Variants in SIRPG observed in about 807,000 individuals in gnomAD.
SIRPG encodes signal-regulatory protein gamma.
SIRPG carries 38 observed loss-of-function variants against 35.7 expected under a neutral mutation model. That is an observed-to-expected ratio of 1.06 (90% CI 0.82 to 1.40). The LOEUF (loss-of-function observed/expected upper bound fraction) is 1.40, where lower values mean the gene tolerates loss of function less well. SIRPG is among the 40% of genes most tolerant of loss of function. SIRPG has a pLI of 0.00. For synonymous variants in SIRPG, 215 were observed against 190.4 expected, an observed-to-expected ratio of 1.13 and a Z score of -1.06; for missense variants, 519 against 483.0, an observed-to-expected ratio of 1.07 and a Z score of -0.70.
intron 2 of SIRPG, chr20:1,647,790 C>T (rs1184303579): frequency 6.6e-6 from 1 of 152,176 alleles, no homozygotes; most frequent in Non-Finnish European, 1.5e-5. Context: ...AGAAGTTTTC[C>T]AATCACCAAT....
the SIRPG span, among the ~76,000 whole-genome samples, chr20:1,679,278 T>A: frequency 1.3e-5 from 2 of 152,148 alleles, no homozygotes; most frequent in African/African-American, 2.4e-5. Flanking sequence ...TCCAGTTAGG[T>A]GTACATTTAA....
At chr20:1,681,343 C>T in the SIRPG span, among the ~76,000 whole-genome samples, 3 of 152,142 alleles carry the variant, frequency 2.0e-5, no homozygotes, top group African/African-American at 7.2e-5. Flanking sequence ...ATTAAGAGTG[C>T]CTGAGCTCAA....
At chr20:1,668,315 C>T in the SIRPG span, among the ~76,000 whole-genome samples, 1 of 148,666 alleles carries the variant, frequency 6.7e-6, no homozygotes, top group Admixed American at 6.8e-5. Context: ...CAGAGTCTTG[C>T]TCTGTCGCCC....
At chr20:1,636,612 C>T in intron 2 of SIRPG, 107 bp from the exon 3 acceptor site, 1 of 1,218,840 alleles carries the variant, frequency 8.2e-7, no homozygotes, top group African/African-American at 1.5e-5. Context: ...TTTAATCCTT[C>T]TAATAATGTG....
chr20:1,668,805 T>A, the SIRPG span, among the ~76,000 whole-genome samples: 1 of 152,222 alleles, frequency 6.6e-6, no homozygotes, highest in African/African-American at 2.4e-5. Flanking sequence ...TGGACTCCAT[T>A]TGCAACTGCA....
intron 4 of SIRPG, 131 bp downstream of exon 4, chr20:1,635,136 T>A (rs1415328364): frequency 8.9e-6 from 6 of 676,388 alleles, no homozygotes; most frequent in Non-Finnish European, 1.5e-5. Context: ...CATGTGGGAT[T>A]TGGGGGGATG....
At chr20:1,632,257 G>A (rs745743191) in intron 4 of SIRPG, among the ~76,000 whole-genome samples, 3 of 152,154 alleles carry the variant, frequency 2.0e-5, no homozygotes, top group East Asian at 1.9e-4. Flanking sequence ...TGAAAACAAA[G>A]TAAGTTCTGC....
Position 1,654,393 on chromosome 20 carries a change from A to G in SIRPG, c.73+3249T>C, listed in dbSNP as rs190434509. The stretch of plus-strand genomic sequence containing the variant: ...AGAGAGCCCAGCAATAAACTCACAC[A>G]TTCACACTCAATTGACTATTGACAA... On this transcript the variant is annotated intron_variant, in intron 1 of 5. Coordinates refer to ENST00000303415, the MANE Select transcript of SIRPG (RefSeq NM_018556.4). Among the ~76,000 whole-genome samples the G allele has an allele frequency of 2.5e-4, 38 of 152,326 alleles. 2 individuals carry two copies. The highest frequency in any genetic ancestry group is 8.4e-4 in the African/African-American group (35 of 41,574).
intron 2 of SIRPG, among the ~76,000 whole-genome samples, chr20:1,641,316 T>C (rs1376316576): frequency 6.6e-6 from 1 of 152,172 alleles, no homozygotes; most frequent in East Asian, 1.9e-4. Context: ...AGGGGCTCGA[T>C]TTCTTTTTGG....
At chr20:1,684,587 A>G in the SIRPG span, among the ~76,000 whole-genome samples, 1 of 152,238 alleles carries the variant, frequency 6.6e-6, no homozygotes, top group East Asian at 1.9e-4. Flanking sequence ...GAGTATATAC[A>G]CCAGCGTTTT....
Position 1,636,446 on chromosome 20 carries a change from C to T in SIRPG, c.490G>A (p.Val164Met), listed in dbSNP as rs748421244. 103 of 1,614,124 alleles carry T rather than the reference C, an allele frequency of 6.4e-5. No individual in the cohort carries two copies. In the South Asian group the frequency reaches 1.0e-3, roughly 16 times the overall value. Residue 164 changes from valine to methionine, a missense_variant, in exon 3 of 6, where the codon GTG (valine) becomes ATG (methionine). Physicochemically the swap from Val to Met is conservative, Grantham distance 21. Transcript: ENST00000303415. ...PAARTTPEHT[V>M]SFTCESHGFS... ...CCATGGGACTCACAGGTGAAACTCA[C>T]TGTATGCTCAGGTGTGGTCCTCGCC...
chr20:1,672,851 GACAA>G, the SIRPG span, among the ~76,000 whole-genome samples: 4 of 152,142 alleles, frequency 2.6e-5, no homozygotes, highest in African/African-American at 9.7e-5. Context: ...GGTTTGGGTT[GACAA>G]ACAAGATCAC....
chr20:1,668,625 C>T, the SIRPG span, among the ~76,000 whole-genome samples: 1 of 152,118 alleles, frequency 6.6e-6, no homozygotes, highest in Non-Finnish European at 1.5e-5. Flanking sequence ...GGAATTAAAA[C>T]CAATTTTAGC....
chr20:1,648,652 A>T (rs1307748442), intron 2 of SIRPG, among the ~76,000 whole-genome samples: 10 of 144,110 alleles, frequency 6.9e-5, no homozygotes, highest in Non-Finnish European at 9.2e-5. Context: ...TAAAATAAAT[A>T]AAAAAAAATA....
chr20:1,674,920 A>G, the SIRPG span, among the ~76,000 whole-genome samples: 1 of 152,210 alleles, frequency 6.6e-6, no homozygotes, highest in East Asian at 1.9e-4. Context: ...CTTGTCCTCC[A>G]TGTGTCCCAG....
chr20:1,679,602 C>T, the SIRPG span, among the ~76,000 whole-genome samples: 1 of 152,112 alleles, frequency 6.6e-6, no homozygotes, highest in Non-Finnish European at 1.5e-5. Context: ...TGCCATACCC[C>T]ACTCTCTGGG....
chr20:1,634,861 G>A (rs1427215208), intron 4 of SIRPG, among the ~76,000 whole-genome samples: 1 of 151,598 alleles, frequency 6.6e-6, no homozygotes, highest in African/African-American at 2.4e-5. Flanking sequence ...GGCTAACACG[G>A]TGAAACCCCA....
intron 2 of SIRPG, among the ~76,000 whole-genome samples, chr20:1,642,105 G>A (rs1313330531): frequency 6.6e-6 from 1 of 152,158 alleles, no homozygotes; most frequent in Non-Finnish European, 1.5e-5. Flanking sequence ...ATGTCTATTA[G>A]GTCCACTTGA....
the SIRPG span, chr20:1,671,303 T>C: frequency 6.0e-6 from 1 of 167,600 alleles, no homozygotes; most frequent in Non-Finnish European, 1.3e-5. Context: ...TTTTAATCCT[T>C]CTAATAATGT....
Sources: allele counts gnomAD v4.1 joint callset (sites outside exome capture counted in the v4.1 genomes callset), GRCh38; gene constraint gnomAD v4.1.1; transcripts MANE v1.5; gene names NCBI Gene and HGNC (gene_info 2026-07-23, HGNC 2026-07-21).